Variants in SMAD9 observed in about 807,000 individuals in gnomAD.
SMAD9 encodes the protein MAD homolog 9.
Under a neutral mutation model 46.1 loss-of-function variants are expected in SMAD9, and 36 were observed. That is an observed-to-expected ratio of 0.78 (90% CI 0.60 to 1.03). The LOEUF (loss-of-function observed/expected upper bound fraction) is 1.03. SMAD9 is among the 50% of genes least tolerant of loss of function. The probability of loss-of-function intolerance (pLI) is 0.00; values close to 1 mark genes in which losing one functional copy is unlikely to be tolerated. For synonymous variants in SMAD9, 245 were observed against 237.1 expected (o/e 1.03, Z -0.31); for missense variants, 572 against 599.8 (o/e 0.95, Z 0.48).
chr13:36,884,588 T>C (rs2058429570), intron 1 of SMAD9, among the ~76,000 whole-genome samples: 1 of 152,224 alleles, frequency 6.6e-6, no homozygotes, highest in Non-Finnish European at 1.5e-5. Context: ...TACACCATGA[T>C]TTAAGTGTAC....
chr13:36,901,348 C>T (rs61950374), intron 1 of SMAD9, among the ~76,000 whole-genome samples: 30,603 of 151,698 alleles, frequency 0.2, 3,204 homozygotes, highest in Non-Finnish European at 0.24. Flanking sequence ...TTATTTTTCA[C>T]TGTTTCTGTT....
chr13:36,919,545 G>A (rs1003225779), intron 1 of SMAD9, among the ~76,000 whole-genome samples: 1 of 152,064 alleles, frequency 6.6e-6, no homozygotes, highest in South Asian at 2.1e-4. Flanking sequence ...CGGCGCTGGC[G>A]AGTTTAAAAG....
intron 1 of SMAD9, among the ~76,000 whole-genome samples, chr13:36,908,162 GGGGA>G (rs2058633385): frequency 6.6e-6 from 1 of 152,180 alleles, no homozygotes; most frequent in Admixed American, 6.5e-5. Context: ...ATACTAAAAA[GGGGA>G]GAAAATATGG....
Position 36,865,606 on chromosome 13 carries a change from A to C in SMAD9, c.934T>G (p.Cys312Gly). ...TDPSNNRNRFCLGLLSNVNRN... is the reference protein window; with the variant it reads ...TDPSNNRNRFGLGLLSNVNRN... ...TTTACATTAGAAAGAAGTCCAAGAC[A>C]GAATCTGTTCCTGTTATTTGAAGGG... Residue 312 changes from cysteine (C) to glycine (G), a missense_variant, in exon 5 of 7, where the codon TGT becomes GGT. Coordinates refer to ENST00000379826, the MANE Select transcript of SMAD9 (RefSeq NM_001127217.3). The C allele has an allele frequency of 1.2e-6, 2 of 1,614,216 alleles. No individual in the cohort carries two copies. Among genetic ancestry groups the C allele is most frequent in the Non-Finnish European group, 1.7e-6 (2 of 1,180,012 alleles).
intron 2 of SMAD9, among the ~76,000 whole-genome samples, chr13:36,875,412 G>T (rs1222103840): frequency 1.3e-5 from 2 of 152,142 alleles, no homozygotes; most frequent in African/African-American, 4.8e-5. Flanking sequence ...GGTGAGGGTG[G>T]CAGAGAAACA....
intron 1 of SMAD9, among the ~76,000 whole-genome samples, chr13:36,887,314 C>T (rs184132350): frequency 3.5e-5 from 5 of 144,406 alleles, no homozygotes; most frequent in Admixed American, 1.4e-4. Context: ...CCTCCACTTC[C>T]TGGGTTCAAG....
At chr13:36,909,403 C>T (rs192311050) in intron 1 of SMAD9, among the ~76,000 whole-genome samples, 8 of 152,310 alleles carry the variant, frequency 5.3e-5, no homozygotes, top group African/African-American at 1.9e-4. Flanking sequence ...AACAGTGATA[C>T]AAGAGAAGGC....
intron 1 of SMAD9, among the ~76,000 whole-genome samples, chr13:36,902,521 T>G (rs1051173148): frequency 3.9e-5 from 6 of 152,000 alleles, no homozygotes; most frequent in African/African-American, 1.4e-4. Context: ...TGGCACAATC[T>G]CAGCTCACAG....
Position 36,920,184 on chromosome 13 carries a change from AGCAGCGGCGGCGGCGGCGGCGGCGGCG to A in SMAD9, c.-282_-256del. 1 of 73,112 alleles carries A rather than the reference AGCAGCGGCGGCGGCGGCGGCGGCGGCG, an allele frequency of 1.4e-5. No homozygotes were observed. Among genetic ancestry groups the A allele is most frequent in the South Asian group, 4.4e-4 (1 of 2,256 alleles). The allele number at this position is 73,112 out of a possible 1,614,324, so 4.5% of individuals were successfully genotyped here. ...CGGCGGGGACCGAGACAGCGGCTGC[AGCAGCGGCGGCGGCGGCGGCGGCGGCG>A]GCGGCCCCAGCCGGCGTCAGTCAGA... On this transcript the variant is annotated 5_prime_UTR_variant, in exon 1 of 7. Transcript: ENST00000379826.
intron 1 of SMAD9, among the ~76,000 whole-genome samples, chr13:36,904,765 A>C (rs1464186385): frequency 6.6e-6 from 1 of 152,172 alleles, no homozygotes; most frequent in Non-Finnish European, 1.5e-5. Flanking sequence ...TTGAACAACA[A>C]AGCCTTTAAA....
At chr13:36,897,373 T>C (rs1219682945) in intron 1 of SMAD9, among the ~76,000 whole-genome samples, 1 of 152,218 alleles carries the variant, frequency 6.6e-6, no homozygotes, top group Non-Finnish European at 1.5e-5. Context: ...ATTCTGCAAC[T>C]TGCTTGAGGA....
intron 1 of SMAD9, 112 bp downstream of exon 1, chr13:36,920,004 G>C (rs1244345194): frequency 2.0e-5 from 3 of 150,084 alleles, no homozygotes. Context: ...AGGAGGGCAC[G>C]TCTTACCTGT....
In SMAD9 at chr13:36,846,251, G is replaced by C. The variant is rs1404550726; in HGVS notation, c.*2425C>G. ...TAATCCCAGCACTTTGGGAGGCTGAGGCGGGCGGATCACAAGGTCAAGAGA... is the reference window on the plus strand; with the variant it reads ...TAATCCCAGCACTTTGGGAGGCTGACGCGGGCGGATCACAAGGTCAAGAGA... On this transcript the variant is annotated 3_prime_UTR_variant, in exon 7 of 7. Transcript: ENST00000379826. 6.6e-6 allele frequency: 1 copy of C among 151,970 alleles called. No individual in the cohort carries two copies. The highest frequency in any genetic ancestry group is 1.5e-5 in the Non-Finnish European group (1 of 68,050). The allele number at this position is 151,970 out of a possible 1,614,324, so 9.4% of individuals were successfully genotyped here.
At chr13:36,867,927 A>T (rs1012079288) in intron 3 of SMAD9, among the ~76,000 whole-genome samples, 1 of 152,228 alleles carries the variant, frequency 6.6e-6, no homozygotes, top group African/African-American at 2.4e-5. Flanking sequence ...GATCATGGTT[A>T]GGCAAATGGG....
At chr13:36,918,942 T>C (rs1224274716) in intron 1 of SMAD9, among the ~76,000 whole-genome samples, 1 of 152,188 alleles carries the variant, frequency 6.6e-6, no homozygotes, top group African/African-American at 2.4e-5. Flanking sequence ...CCTCCATGCT[T>C]CTTGCTAACC....
chr13:36,879,689 TAA>T lies in SMAD9; in HGVS notation c.-2_-1del. ...GAGCTGATGGGGGTGGTGGAGTGCA[TAA>T]GAGGCCACAGCAGGCTCCGGCGCGC... On this transcript the variant is annotated 5_prime_UTR_variant, in exon 2 of 7. Coordinates refer to ENST00000379826, the MANE Select transcript of SMAD9 (RefSeq NM_001127217.3). 6.2e-7 allele frequency: 1 copy of T among 1,613,922 alleles called. No individual in the cohort carries two copies. Among genetic ancestry groups the T allele is most frequent in the Non-Finnish European group, 8.5e-7 (1 of 1,179,998 alleles).
At chr13:36,880,687 T>C (rs2058395230) in intron 1 of SMAD9, among the ~76,000 whole-genome samples, 1 of 152,188 alleles carries the variant, frequency 6.6e-6, no homozygotes, top group African/African-American at 2.4e-5. Context: ...TTCACATACT[T>C]CAACCAAAAC....
At chr13:36,861,531 G>C (rs140971918) in intron 5 of SMAD9, among the ~76,000 whole-genome samples, 14,523 of 151,510 alleles carry the variant, frequency 0.096, 1,631 homozygotes, top group African/African-American at 0.27. Context: ...GGCCAGGCTG[G>C]TCTCGAACTC....
At chr13:36,896,203 G>A (rs2058527397) in intron 1 of SMAD9, among the ~76,000 whole-genome samples, 1 of 151,944 alleles carries the variant, frequency 6.6e-6, no homozygotes, top group African/African-American at 2.4e-5. Context: ...CACGATCTCG[G>A]CTCACTGCAA....
Sources: allele counts gnomAD v4.1 joint callset (sites outside exome capture counted in the v4.1 genomes callset), GRCh38; gene constraint gnomAD v4.1.1; transcripts MANE v1.5; gene names NCBI Gene and HGNC (gene_info 2026-07-23, HGNC 2026-07-21).